CDH13: variants seen among roughly 807,000 people sequenced by gnomAD.
CDH13 encodes cadherin-13.
A neutral mutation model predicts 63.8 loss-of-function variants in CDH13; 24 were observed. That is an observed-to-expected ratio of 0.38 (90% CI 0.27 to 0.53). The LOEUF (loss-of-function observed/expected upper bound fraction) is 0.53, where lower values mean the gene tolerates loss of function less well. Among genes scored for constraint, CDH13 ranks in the 20% least tolerant of loss-of-function variants. The pLI, the probability that CDH13 is intolerant of heterozygous loss-of-function variation, is 0.85. For synonymous variants in CDH13, 503 were observed against 355.3 expected (o/e 1.42, Z -4.67); for missense variants, 1,049 against 903.1 (o/e 1.16, Z -2.07).
intron 1 of CDH13, among the ~76,000 whole-genome samples, chr16:82,735,308 T>C (rs1597437038): frequency 6.6e-6 from 1 of 152,322 alleles, no homozygotes; most frequent in South Asian, 2.1e-4. Flanking sequence ...CAATCACAAA[T>C]GCTTCAGTGA....
At chr16:83,197,666 C>G (rs752330020) in intron 4 of CDH13, among the ~76,000 whole-genome samples, 3 of 152,042 alleles carry the variant, frequency 2.0e-5, no homozygotes, top group Admixed American at 6.6e-5. Context: ...AATGACAACA[C>G]GAAGGATCCC....
intron 2 of CDH13, among the ~76,000 whole-genome samples, chr16:82,973,197 A>G (rs578117531): frequency 1.4e-4 from 22 of 152,224 alleles, no homozygotes; most frequent in African/African-American, 5.3e-4. Context: ...TTCACTCTGC[A>G]TTTTCATTCT....
At chr16:82,992,632 A>G (rs558020512) in intron 2 of CDH13, among the ~76,000 whole-genome samples, 1 of 152,224 alleles carries the variant, frequency 6.6e-6, no homozygotes, top group Non-Finnish European at 1.5e-5. Context: ...CTGATTTAAA[A>G]TTAGCCTATA....
intron 1 of CDH13, among the ~76,000 whole-genome samples, chr16:82,671,025 C>T (rs1456851557): frequency 1.3e-5 from 2 of 152,160 alleles, no homozygotes; most frequent in African/African-American, 4.8e-5. Context: ...CTATGTCAAG[C>T]ACTTTTCATA....
At chr16:82,677,293 C>G (rs1057430844) in intron 1 of CDH13, among the ~76,000 whole-genome samples, 1 of 152,202 alleles carries the variant, frequency 6.6e-6, no homozygotes, top group Admixed American at 6.5e-5. Context: ...ACCCCTCAGT[C>G]TAGATCTGAT....
chr16:82,828,397 G>A (rs1256047354), intron 1 of CDH13, among the ~76,000 whole-genome samples: 1 of 152,102 alleles, frequency 6.6e-6, no homozygotes, highest in Non-Finnish European at 1.5e-5. Context: ...GCAAACAGAT[G>A]ACTTGAGGCC....
intron 1 of CDH13, among the ~76,000 whole-genome samples, chr16:82,746,221 T>C (rs1303509369): frequency 1.0e-5 from 1 of 95,770 alleles, no homozygotes; most frequent in Non-Finnish European, 2.6e-5. Context: ...ACTGTTTATA[T>C]ATATGTGTTT....
chr16:83,723,388 G>T (rs1598586668), intron 10 of CDH13, among the ~76,000 whole-genome samples: 1 of 152,200 alleles, frequency 6.6e-6, no homozygotes, highest in East Asian at 1.9e-4. Context: ...GTGTGCTTTT[G>T]TCTGATTCGC....
intron 2 of CDH13, among the ~76,000 whole-genome samples, chr16:82,938,454 A>T (rs2042734858): frequency 6.6e-6 from 1 of 152,204 alleles, no homozygotes; most frequent in Non-Finnish European, 1.5e-5. Flanking sequence ...GGTAATTTCA[A>T]TACTGAGCTT....
intron 2 of CDH13, among the ~76,000 whole-genome samples, chr16:82,885,899 G>C (rs2040871452): frequency 6.6e-6 from 1 of 152,130 alleles, no homozygotes; most frequent in African/African-American, 2.4e-5. Flanking sequence ...ACTTGACAAA[G>C]TGCCTGGCAT....
intron 2 of CDH13, among the ~76,000 whole-genome samples, chr16:82,870,041 C>T (rs2040289969): frequency 6.6e-6 from 1 of 151,892 alleles, no homozygotes; most frequent in Non-Finnish European, 1.5e-5. Context: ...AGAGACAACC[C>T]ACAGAATGGG....
intron 3 of CDH13, among the ~76,000 whole-genome samples, chr16:83,052,616 C>T (rs985440754): frequency 6.6e-6 from 1 of 151,836 alleles, no homozygotes; most frequent in African/African-American, 2.4e-5. Context: ...CCTGTCTCTA[C>T]TAAAAATACA....
chr16:83,770,386 AG>A (rs1350286511), intron 11 of CDH13, among the ~76,000 whole-genome samples: 1 of 152,196 alleles, frequency 6.6e-6, no homozygotes, highest in African/African-American at 2.4e-5. Flanking sequence ...AGAAAGCTCC[AG>A]GGATGGGGAT....
At chr16:82,893,055 G>T (rs1341312910) in intron 2 of CDH13, among the ~76,000 whole-genome samples, 2 of 152,176 alleles carry the variant, frequency 1.3e-5, no homozygotes, top group Non-Finnish European at 2.9e-5. Flanking sequence ...AAAAGATGAG[G>T]TCAGACATCA....
intron 3 of CDH13, among the ~76,000 whole-genome samples, chr16:83,063,696 C>G (rs2031772520): frequency 6.6e-6 from 1 of 152,140 alleles, no homozygotes; most frequent in Non-Finnish European, 1.5e-5. Flanking sequence ...TGGCTTAAAA[C>G]AACACAAATT....
intron 7 of CDH13, among the ~76,000 whole-genome samples, chr16:83,486,886 AC>A (rs1160204601): frequency 6.6e-6 from 1 of 152,084 alleles, no homozygotes; most frequent in Non-Finnish European, 1.5e-5. Context: ...TATTCACTCA[AC>A]CTGATGCCTA....
chr16:83,767,287 G>A (rs28459275), intron 11 of CDH13, among the ~76,000 whole-genome samples: 1 of 151,824 alleles, frequency 6.6e-6, no homozygotes, highest in Non-Finnish European at 1.5e-5. Flanking sequence ...CAAGTGTCGA[G>A]GGTGGGGCCA....
chr16:83,276,314 C>T (rs1335211827), intron 5 of CDH13, among the ~76,000 whole-genome samples: 1 of 152,090 alleles, frequency 6.6e-6, no homozygotes, highest in African/African-American at 2.4e-5. Context: ...CAAGATGGCC[C>T]CTCATTGAAT....
At chr16:83,470,779 G>A (rs1198917699) in intron 6 of CDH13, among the ~76,000 whole-genome samples, 1 of 152,202 alleles carries the variant, frequency 6.6e-6, no homozygotes, top group Non-Finnish European at 1.5e-5. Context: ...GACACCGCTA[G>A]TATGAGCTTC....
Sources: gnomAD v4.1 joint callset for allele counts (sites outside exome capture counted in the v4.1 genomes callset) on GRCh38, gnomAD v4.1.1 for gene constraint, MANE v1.5 for transcripts, NCBI Gene and HGNC (gene_info 2026-07-23, HGNC 2026-07-21) for gene names.